Variants in KIAA0586 observed in about 807,000 individuals in gnomAD.
KIAA0586 encodes the protein protein TALPID3.
Under a neutral mutation model 169.8 loss-of-function variants are expected in KIAA0586, and 144 were observed. The ratio of observed to expected loss-of-function variants is 0.85; its 90% confidence interval spans 0.74 to 0.97. The LOEUF (loss-of-function observed/expected upper bound fraction) is 0.97, where lower values mean the gene tolerates loss of function less well. Among genes scored for constraint, KIAA0586 ranks in the 50% least tolerant of loss-of-function variants. KIAA0586 has a pLI of 0.00. For synonymous variants in KIAA0586, 625 were observed against 612.4 expected, an observed-to-expected ratio of 1.02 and a Z score of -0.30; for missense variants, 1,854 against 1,823.0, an observed-to-expected ratio of 1.02 and a Z score of -0.31.
At chr14:58,514,290 C>T (rs936531821) in intron 29 of KIAA0586, among the ~76,000 whole-genome samples, 4 of 151,910 alleles carry the variant, frequency 2.6e-5, no homozygotes, top group Non-Finnish European at 4.4e-5. Context: ...AAATAATTCT[C>T]TGGAGCTCTC....
At chr14:58,498,246 G>A (rs111364198) in intron 26 of KIAA0586, among the ~76,000 whole-genome samples, 1 of 151,528 alleles carries the variant, frequency 6.6e-6, no homozygotes, top group African/African-American at 2.4e-5. Flanking sequence ...GTGCAGTCTC[G>A]CTCACTGCAG....
At chr14:58,520,583 G>A (rs544681131) in intron 29 of KIAA0586, among the ~76,000 whole-genome samples, 5 of 152,132 alleles carry the variant, frequency 3.3e-5, no homozygotes, top group East Asian at 3.9e-4. Context: ...GTGCAGTGGC[G>A]TGATCATGGC....
At chr14:58,554,123 GC>G (rs2047231718), downstream of KIAA0586, among the ~76,000 whole-genome samples, 2 of 152,184 alleles carry the variant, frequency 1.3e-5, no homozygotes, top group Non-Finnish European at 2.9e-5. Context: ...GTGCCTATGA[GC>G]AGTAAGAGAG....
At chr14:58,448,938 A>T (rs1191644677) in intron 7 of KIAA0586, among the ~76,000 whole-genome samples, 1 of 152,118 alleles carries the variant, frequency 6.6e-6, no homozygotes, top group Non-Finnish European at 1.5e-5. Flanking sequence ...ACATTTTTAA[A>T]CCATTTCTAA....
intron 4 of KIAA0586, among the ~76,000 whole-genome samples, chr14:58,436,247 A>T (rs1274535830): frequency 6.6e-6 from 1 of 152,132 alleles, no homozygotes; most frequent in Non-Finnish European, 1.5e-5. Flanking sequence ...GAGACCACTA[A>T]CTCAGAAATT....
intron 14 of KIAA0586, chr14:58,464,182 T>C: frequency 2.9e-6 from 1 of 348,118 alleles, no homozygotes; most frequent in Non-Finnish European, 5.6e-6. Context: ...GCTAATAATT[T>C]ATATAATGGA....
chr14:58,557,168 T>TA, the KIAA0586 span, among the ~76,000 whole-genome samples: 1 of 152,250 alleles, frequency 6.6e-6, no homozygotes. Context: ...AAAGCTGCTA[T>TA]AAATATTGCT....
intron 29 of KIAA0586, among the ~76,000 whole-genome samples, chr14:58,537,448 A>G (rs934364348): frequency 1.5e-4 from 23 of 152,130 alleles, no homozygotes; most frequent in African/African-American, 5.3e-4. Context: ...TGGTTCTTCA[A>G]TGGAAGGGAT....
At chr14:58,459,460 T>A (rs1424068937) in intron 12 of KIAA0586, among the ~76,000 whole-genome samples, 1 of 152,160 alleles carries the variant, frequency 6.6e-6, no homozygotes, top group East Asian at 1.9e-4. Context: ...TAATTTATAT[T>A]TATCTCAGTT....
rs183784299 is a variant in KIAA0586 at position 58,516,784 on chromosome 14, T to C, written c.4429+4157T>C. Among the ~76,000 whole-genome samples the C allele has an allele frequency of 5.6e-4, 86 of 152,298 alleles. 1 individual carries two copies. Among genetic ancestry groups the C allele is most frequent in the African/African-American group, 2.0e-3 (82 of 41,580 alleles). ...CTACAGTAATCAAGACAGTGGAATA[T>C]TGGCATAAATATCAATGGGATAGAA... On this transcript the variant is annotated intron_variant, in intron 29 of 30. Transcript: ENST00000652326.
chr14:58,484,898 A>ATATATTTATATATATTTT (rs1230592298), intron 21 of KIAA0586, among the ~76,000 whole-genome samples: 192 of 4,850 alleles, frequency 0.04, 17 homozygotes, highest in Admixed American at 0.069. Context: ...ATTTATATAT[A>ATATATTTATATATATTTT]TATATATATA....
At chr14:58,512,972 A>G (rs918513152) in intron 29 of KIAA0586, among the ~76,000 whole-genome samples, 11 of 152,054 alleles carry the variant, frequency 7.2e-5, no homozygotes, top group Admixed American at 5.2e-4. Context: ...TTATGGCTGT[A>G]TTTAATATGC....
At chr14:58,539,644 G>A (rs551261913) in intron 29 of KIAA0586, among the ~76,000 whole-genome samples, 7 of 152,162 alleles carry the variant, frequency 4.6e-5, no homozygotes, top group Non-Finnish European at 1.0e-4. Context: ...TGTTTCCTAC[G>A]GATTGTATTG....
chr14:58,428,316 G>A lies in KIAA0586; in HGVS notation c.52G>A (p.Val18Met), dbSNP rs1260723288. ...LEKKKKIKMP[V>M]KRLREVVSQN... Reference sequence around the variant, plus strand: ...GAAGAAAAAAAAGATTAAGATGCCAGTGAAGAGACTTCGTGAGGTAGTTTC... The same window carrying A: ...GAAGAAAAAAAAGATTAAGATGCCAATGAAGAGACTTCGTGAGGTAGTTTC... Residue 18 changes from valine to methionine, a missense_variant, in exon 1 of 31, where the codon GTG (valine) becomes ATG (methionine). Val to Met is a conservative substitution (Grantham distance 21). Transcript: ENST00000652326. 9 of 1,613,806 alleles carry A rather than the reference G, an allele frequency of 5.6e-6. No homozygotes were observed. In the East Asian group the frequency reaches 1.1e-4, roughly 20 times the overall value.
rs1470511306 is a variant in KIAA0586, at chr14:58,474,730, C to G, written c.2758C>G (p.Pro920Ala). ...TCCGCCAGTTGCTTCTACTTTTCAGCCCACTGCTGATATTCTGGATAAAGT... is the reference window on the plus strand; with the variant it reads ...TCCGCCAGTTGCTTCTACTTTTCAGGCCACTGCTGATATTCTGGATAAAGT... Reference protein sequence around the residue: ...PFPPVASTFQPTADILDKVIE... With the variant: ...PFPPVASTFQATADILDKVIE... The change falls in exon 19 of 31, where the codon CCC becomes GCC. Residue 920 changes from proline to alanine, a missense_variant. Physicochemically the swap from Pro to Ala is conservative, Grantham distance 27. Coordinates refer to ENST00000652326, the MANE Select transcript of KIAA0586 (RefSeq NM_001329943.3). The G allele has an allele frequency of 1.4e-5, 22 of 1,613,168 alleles. No individual in the cohort carries two copies. Among genetic ancestry groups the G allele is most frequent in the Non-Finnish European group, 1.7e-5 (20 of 1,179,472 alleles).
chr14:58,486,565 C>A (rs1322397453), intron 21 of KIAA0586, among the ~76,000 whole-genome samples: 1 of 152,016 alleles, frequency 6.6e-6, no homozygotes, highest in Non-Finnish European at 1.5e-5. Context: ...CAGTGAGATA[C>A]CATTTCAGTC....
intron 14 of KIAA0586, 36 bp downstream of exon 14, chr14:58,461,196 C>A: frequency 7.2e-7 from 1 of 1,388,208 alleles, no homozygotes; most frequent in Non-Finnish European, 9.6e-7. Flanking sequence ...AATCTCATTT[C>A]TTAATAGTAT....
At chr14:58,489,404 G>A (rs1333267355) in intron 24 of KIAA0586, among the ~76,000 whole-genome samples, 1 of 151,834 alleles carries the variant, frequency 6.6e-6, no homozygotes, top group African/African-American at 2.4e-5. Context: ...ATTTTTTGTA[G>A]AGATGAAGTT....
intron 9 of KIAA0586, 24 bp from the exon 10 acceptor site, chr14:58,456,678 C>A: frequency 7.4e-7 from 1 of 1,347,512 alleles, no homozygotes; most frequent in Non-Finnish European, 1.0e-6. Flanking sequence ...TCTTCTGTAG[C>A]GTTGAAACTC....
Sources: allele counts gnomAD v4.1 joint callset (sites outside exome capture counted in the v4.1 genomes callset), GRCh38; gene constraint gnomAD v4.1.1; transcripts MANE v1.5; gene names NCBI Gene and HGNC (gene_info 2026-07-23, HGNC 2026-07-21).